Variants in TTC13 observed in about 807,000 individuals in gnomAD.
The protein encoded by TTC13 is tetratricopeptide repeat domain 13.
In TTC13, 62 loss-of-function variants were observed where a neutral mutation model predicts 120.0. The observed-to-expected ratio is 0.52, with a 90% CI of 0.42 to 0.64. The LOEUF (loss-of-function observed/expected upper bound fraction) is 0.64, where lower values mean the gene tolerates loss of function less well. Among genes scored for constraint, TTC13 ranks in the 30% least tolerant of loss-of-function variants. The pLI is 0.00. For missense variants in TTC13, 824 were observed against 1,050.2 expected, an observed-to-expected ratio of 0.78 and a Z score of 2.98; for synonymous variants, 384 against 393.5, an observed-to-expected ratio of 0.98 and a Z score of 0.28.
At chr1:230,935,233 T>C (rs1375874182) in intron 8 of TTC13, among the ~76,000 whole-genome samples, 3 of 152,208 alleles carry the variant, frequency 2.0e-5, no homozygotes, top group African/African-American at 7.2e-5. Flanking sequence ...GCGCCTACTA[T>C]GTGCCAGAGA....
At position 230,931,306 on chromosome 1, in the gene TTC13, T is replaced by A. The variant is rs746873826; in HGVS notation, c.1292A>T (p.Tyr431Phe). ...GTGATTTTCTGACTTACCTCGGAGA[T>A]ACTTTACTTTAAGATACTCAGGGCT... The part of the protein sequence containing the change: ...KASPEYLKVK[Y>F]LREYSRYLHA... Residue 431 changes from tyrosine to phenylalanine, a missense_variant, in exon 11 of 23, where the codon TAT becomes TTT. Tyr to Phe is a conservative substitution (Grantham distance 22). Transcript: ENST00000366661. 1.2e-6 allele frequency: 2 copies of A among 1,613,292 alleles called. No homozygotes were observed. The highest frequency in any genetic ancestry group is 2.7e-5 in the African/African-American group (2 of 74,910).
chr1:230,972,815 T>C (rs542796693), intron 1 of TTC13, among the ~76,000 whole-genome samples: 8 of 152,352 alleles, frequency 5.3e-5, no homozygotes, highest in South Asian at 2.1e-4. Context: ...AAGCGAATCA[T>C]AGGCTGCCAT....
intron 11 of TTC13, among the ~76,000 whole-genome samples, chr1:230,929,312 C>A (rs1572210509): frequency 7.5e-6 from 1 of 133,216 alleles, no homozygotes; most frequent in African/African-American, 2.8e-5. Context: ...TCTGGGTCTA[C>A]TTTGGCTACA....
intron 1 of TTC13, among the ~76,000 whole-genome samples, chr1:230,965,080 G>A (rs1164258628): frequency 1.3e-5 from 2 of 152,146 alleles, no homozygotes; most frequent in East Asian, 3.8e-4. Context: ...AAGATCTCTT[G>A]AGTAACACCC....
intron 1 of TTC13, among the ~76,000 whole-genome samples, chr1:230,967,662 T>C (rs1016075427): frequency 2.6e-5 from 4 of 152,176 alleles, no homozygotes. Context: ...AATAGAAAAA[T>C]AGTTGCTAGA....
At chr1:230,911,584 A>G in intron 19 of TTC13, 35 bp from the exon 20 acceptor site, 1 of 1,381,538 alleles carries the variant, frequency 7.2e-7, no homozygotes, top group South Asian at 1.3e-5. Flanking sequence ...TAAATACTAT[A>G]AAGATTACAA....
rs1674414529 is a variant in TTC13, at chr1:230,940,199, T to TG, written c.789+240_789+241insC. 6.6e-6 allele frequency among the ~76,000 whole-genome samples: 1 copy of TG among 152,224 alleles called. No homozygotes were observed. The highest frequency in any genetic ancestry group is 1.5e-5 in the Non-Finnish European group (1 of 68,022). On this transcript the variant is annotated intron_variant, in intron 7 of 22. Transcript: ENST00000366661. The surrounding 1 kb of genome is among the most constrained non-coding windows in gnomAD (Gnocchi z 4.1). Reference sequence around the variant, plus strand: ...AAACTAAATTTATCTTTCTCTCTCTTTTTTTAAATGCCAGTCCAGAATTAG... The same window carrying TG: ...AAACTAAATTTATCTTTCTCTCTCTTGTTTTTAAATGCCAGTCCAGAATTAG...
At chr1:230,943,072 A>G (rs2102886109) in intron 6 of TTC13, among the ~76,000 whole-genome samples, 1 of 152,356 alleles carries the variant, frequency 6.6e-6, no homozygotes, top group African/African-American at 2.4e-5. Context: ...AGCAGAATGA[A>G]CGCTTCCAAG....
chr1:230,956,562 T>C, intron 3 of TTC13: 1 of 401,082 alleles, frequency 2.5e-6, no homozygotes, highest in Non-Finnish European at 4.8e-6. Context: ...AGTAAATATC[T>C]GTTGAATGAA....
intron 8 of TTC13, among the ~76,000 whole-genome samples, chr1:230,934,966 C>T (rs189395968): frequency 1.3e-5 from 2 of 152,324 alleles, no homozygotes; most frequent in Admixed American, 6.5e-5. Context: ...ATTCCCTGCA[C>T]CTTGATTTTC....
At chr1:230,920,317 A>T in intron 17 of TTC13, 193 bp downstream of exon 17, 1 of 423,608 alleles carries the variant, frequency 2.4e-6, no homozygotes, top group East Asian at 4.0e-5. Context: ...TTCTATATTA[A>T]CTGCTTCCTC....
intron 20 of TTC13, 44 bp from the exon 21 acceptor site, chr1:230,909,064 A>G: frequency 6.6e-7 from 1 of 1,513,458 alleles, no homozygotes; most frequent in Non-Finnish European, 9.1e-7. Context: ...TGGACGGTCT[A>G]CAGTTACCAT....
intron 1 of TTC13, among the ~76,000 whole-genome samples, chr1:230,962,522 C>T (rs1676740724): frequency 6.6e-6 from 1 of 152,074 alleles, no homozygotes; most frequent in Non-Finnish European, 1.5e-5. Context: ...AATGGTACAC[C>T]AGTTATGGAA....
At chr1:230,950,194 C>A (rs1675438948) in intron 4 of TTC13, among the ~76,000 whole-genome samples, 1 of 151,776 alleles carries the variant, frequency 6.6e-6, no homozygotes, top group Non-Finnish European at 1.5e-5. Context: ...AACGTTTATT[C>A]CTAAAAACAA....
In TTC13 at chr1:230,958,372, AT is replaced by A. The variant is rs898003580; in HGVS notation, c.367-74del. The A allele has an allele frequency of 2.2e-5, 33 of 1,492,244 alleles. No homozygotes were observed. The African/African-American group carries it at 4.3e-4, about 19-fold the overall frequency. 92.4% of individuals were successfully genotyped at this position (1,492,244 alleles called of 1,614,324 possible). On this transcript the variant is annotated intron_variant, in intron 2 of 22. Transcript: ENST00000366661. The stretch of plus-strand genomic sequence containing the variant: ...AAAGAAAACTTGTATTAAAATCTGT[AT>A]TTTAAAAAATTAAAATTAAGGCTAC...
intron 15 of TTC13, among the ~76,000 whole-genome samples, chr1:230,923,119 T>C (rs1198200928): frequency 1.3e-5 from 2 of 152,210 alleles, no homozygotes; most frequent in Non-Finnish European, 2.9e-5. Flanking sequence ...TAGAAGCATT[T>C]TAGAGGTGAC....
At chr1:230,953,192 A>G (rs972616714) in intron 4 of TTC13, among the ~76,000 whole-genome samples, 1 of 152,248 alleles carries the variant, frequency 6.6e-6, no homozygotes, top group African/African-American at 2.4e-5. Context: ...ACTGAAGAAT[A>G]GTGTTCCACA....
intron 4 of TTC13, among the ~76,000 whole-genome samples, chr1:230,946,854 A>C (rs1207089475): frequency 6.6e-6 from 1 of 152,152 alleles, no homozygotes; most frequent in African/African-American, 2.4e-5. Context: ...GAGGTTGCTC[A>C]TGCTATTTTC....
intron 12 of TTC13, 23 bp downstream of exon 12, chr1:230,928,913 AT>A (rs755583857): frequency 1.2e-6 from 2 of 1,609,732 alleles, no homozygotes; most frequent in African/African-American, 1.3e-5. Context: ...GGAAAAAAAA[AT>A]CATCTTCATT....
Sources: allele counts gnomAD v4.1 joint callset (sites outside exome capture counted in the v4.1 genomes callset), GRCh38; gene constraint gnomAD v4.1.1; non-coding constraint Gnocchi (gnomAD v3.1); transcripts MANE v1.5; gene names NCBI Gene and HGNC (gene_info 2026-07-23, HGNC 2026-07-21).